The following EXOC5 variants were observed in gnomAD, a reference collection of about 807,000 sequenced individuals.
EXOC5 encodes the protein exocyst complex component 5.
A neutral mutation model predicts 90.8 loss-of-function variants in EXOC5; 17 were observed. The ratio of observed to expected loss-of-function variants is 0.19; its 90% CI spans 0.13 to 0.28. The LOEUF is 0.28. Ranked by LOEUF, EXOC5 falls within the 10% of genes least tolerant of loss-of-function variation. EXOC5 has a pLI of 1.00. For synonymous variants in EXOC5, 260 were observed against 270.0 expected, an observed-to-expected ratio of 0.96 and a Z score of 0.36; for missense variants, 569 against 830.6, an observed-to-expected ratio of 0.69 and a Z score of 3.87.
At chr14:57,232,226 G>A (rs1044655779) in intron 10 of EXOC5, 3 of 154,094 alleles carry the variant, frequency 1.9e-5, no homozygotes, top group Non-Finnish European at 4.3e-5. Flanking sequence ...CTGAAGAAGA[G>A]TAATAGGGTT....
intron 15 of EXOC5, among the ~76,000 whole-genome samples, chr14:57,211,484 C>T (rs1204462169): frequency 6.6e-6 from 1 of 152,148 alleles, no homozygotes; most frequent in Non-Finnish European, 1.5e-5. Context: ...AGAGGTTGTG[C>T]CAGGCATGCA....
At chr14:57,222,794 C>CACAT (rs555083513) in intron 12 of EXOC5, among the ~76,000 whole-genome samples, 1 of 151,234 alleles carries the variant, frequency 6.6e-6, no homozygotes, top group Non-Finnish European at 1.5e-5. Flanking sequence ...TACACACACA[C>CACAT]ACATACACAC....
chr14:57,244,260 T>C lies in EXOC5; in HGVS notation c.370A>G (p.Arg124Gly), dbSNP rs770915924. Residue 124 changes from arginine to glycine, a missense_variant, in exon 4 of 18, where the codon AGA becomes GGA. Physicochemically the swap from Arg to Gly is moderately radical, Grantham distance 125 (BLOSUM62 -2). This residue lies in a region of EXOC5 where 97 missense variants were observed against 177.9 expected (regional missense o/e 0.55). Coordinates refer to ENST00000621441, the MANE Select transcript of EXOC5 (RefSeq NM_006544.4). ...TTCTGAGCCTCCACTGCCCGTTGTC[T>C]GGGTGTGTTTACCCCCTCTAACTGG... ...GDQLEGVNTP[R>G]QRAVEAQKLM... The C allele has an allele frequency of 1.2e-6, 2 of 1,613,612 alleles. No homozygotes were observed. Among genetic ancestry groups the C allele is most frequent in the Admixed American group, 1.7e-5 (1 of 60,022 alleles).
intron 5 of EXOC5, 87 bp downstream of exon 5, chr14:57,239,508 G>A: frequency 1.3e-6 from 1 of 789,364 alleles, no homozygotes; most frequent in Non-Finnish European, 2.0e-6. Flanking sequence ...TTAATTAATG[G>A]GCAAAGAAAA....
chr14:57,209,695 T>A lies in EXOC5; in HGVS notation c.1810A>T (p.Met604Leu). The change falls in exon 17 of 18, where the codon ATG becomes TTG. Residue 604 changes from methionine (M) to leucine (L), a missense_variant. Coordinates refer to ENST00000621441, the MANE Select transcript of EXOC5 (RefSeq NM_006544.4). ...CGATGAAAACGTACTCCAAGTTCCATCAAAACTGTATCCACATTCTTCCCA... is the reference window on the plus strand; with the variant it reads ...CGATGAAAACGTACTCCAAGTTCCAACAAAACTGTATCCACATTCTTCCCA... ...MDGKNVDTVL[M>L]ELGVRFHRLI... The A allele has an allele frequency of 6.2e-7, 1 of 1,612,950 alleles. No individual in the cohort carries two copies. The highest frequency in any genetic ancestry group is 8.5e-7 in the Non-Finnish European group (1 of 1,179,250).
Position 57,201,441 on chromosome 14 carries a change from C to CGT in EXOC5, c.*7166_*7167dup, listed in dbSNP as rs922524212. 7.2e-6 allele frequency: 1 copy of CGT among 138,582 alleles called. No homozygotes were observed. The highest frequency in any genetic ancestry group is 1.6e-5 in the Non-Finnish European group (1 of 63,882). 8.6% of individuals were successfully genotyped at this position (138,582 alleles called of 1,614,324 possible). Reference sequence around the variant, plus strand: ...TAGTATATATATATACACACACACACGTGTGTATATATACACACGCGTGTA... The same window carrying CGT: ...TAGTATATATATATACACACACACACGTGTGTGTATATATACACACGCGTGTA... On this transcript the variant is annotated 3_prime_UTR_variant, in exon 18 of 18. Coordinates refer to ENST00000621441, the MANE Select transcript of EXOC5 (RefSeq NM_006544.4).
intron 1 of EXOC5, among the ~76,000 whole-genome samples, chr14:57,253,277 C>A (rs545095295): frequency 2.6e-5 from 4 of 152,206 alleles, no homozygotes; most frequent in African/African-American, 9.6e-5. Flanking sequence ...AAAACAATTC[C>A]ATTTACAACA....
chr14:57,230,845 C>T (rs1327132287), intron 11 of EXOC5, among the ~76,000 whole-genome samples: 1 of 151,254 alleles, frequency 6.6e-6, no homozygotes, highest in Non-Finnish European at 1.5e-5. Context: ...ATTTTTTTCA[C>T]ACCTGCAACA....
intron 7 of EXOC5, among the ~76,000 whole-genome samples, chr14:57,234,899 G>A (rs1010429440): frequency 2.0e-5 from 3 of 152,022 alleles, no homozygotes; most frequent in Non-Finnish European, 4.4e-5. Flanking sequence ...CAAGAATCTG[G>A]ACAGTTGTAT....
intron 15 of EXOC5, among the ~76,000 whole-genome samples, chr14:57,215,001 G>A (rs1046196198): frequency 3.3e-5 from 5 of 152,060 alleles, no homozygotes; most frequent in African/African-American, 7.2e-5. Context: ...AGGCTGAGGC[G>A]GGTGGACTGC....
In EXOC5 at chr14:57,215,185, TCGTGC is replaced by T. The variant is rs544253893; in HGVS notation, c.1613+2792_1613+2796del. Among the ~76,000 whole-genome samples the T allele has an allele frequency of 1.2e-3, 188 of 151,618 alleles. 1 individual carries two copies. Among genetic ancestry groups the T allele is most frequent in the African/African-American group, 4.4e-3 (182 of 41,246 alleles). ...AGGTGGAGGTTGCAGTGAGCCAAGA[TCGTGC>T]CACTGGACTCCAGCCTGGGCAACAG... On this transcript the variant is annotated intron_variant, in intron 15 of 17. Transcript: ENST00000621441.
chr14:57,226,366 C>T (rs1566728859), intron 12 of EXOC5, among the ~76,000 whole-genome samples: 1 of 152,068 alleles, frequency 6.6e-6, no homozygotes, highest in African/African-American at 2.4e-5. Context: ...TTTCTATAGA[C>T]TAAGTAAGTT....
At chr14:57,237,911 G>C (rs1400230479) in intron 5 of EXOC5, among the ~76,000 whole-genome samples, 2 of 152,074 alleles carry the variant, frequency 1.3e-5, no homozygotes, top group Non-Finnish European at 2.9e-5. Context: ...GCCTAGCAGA[G>C]TAGCCATTCA....
At chr14:57,217,644 T>G (rs1436025062) in intron 15 of EXOC5, among the ~76,000 whole-genome samples, 1 of 152,136 alleles carries the variant, frequency 6.6e-6, no homozygotes, top group East Asian at 1.9e-4. Flanking sequence ...TGAAACACAG[T>G]AACATTGCAA....
At chr14:57,222,816 C>T (rs562381436) in intron 12 of EXOC5, among the ~76,000 whole-genome samples, 31 of 151,032 alleles carry the variant, frequency 2.1e-4, no homozygotes, top group African/African-American at 7.3e-4. Flanking sequence ...CACATACATA[C>T]ATACACAGGG....
Position 57,268,733 on chromosome 14 carries a change from C to T in EXOC5, c.-85G>A. On this transcript the variant is annotated 5_prime_UTR_variant, in exon 1 of 18. Coordinates refer to ENST00000621441, the MANE Select transcript of EXOC5 (RefSeq NM_006544.4). Reference sequence around the variant, plus strand: ...CTCAGAGGCGCGGCGCACAGGTCTCCGCTCGGCTCGCCAGCTCCGGCTCCG... The same window carrying T: ...CTCAGAGGCGCGGCGCACAGGTCTCTGCTCGGCTCGCCAGCTCCGGCTCCG... The T allele has an allele frequency of 6.6e-7, 1 of 1,504,340 alleles. No individual in the cohort carries two copies. The highest frequency in any genetic ancestry group is 8.8e-7 in the Non-Finnish European group (1 of 1,131,040). 93.2% of individuals were successfully genotyped at this position (1,504,340 alleles called of 1,614,324 possible).
Position 57,208,447 on chromosome 14 carries a change from C to A in EXOC5, c.*162G>T. ...GTGGTATCCAAACTTTAAATAAAAC[C>A]TCAAAGGTAAGTATGGCTGCTGTTT... On this transcript the variant is annotated 3_prime_UTR_variant, in exon 18 of 18. Transcript: ENST00000621441. 8 of 475,636 alleles carry A rather than the reference C, an allele frequency of 1.7e-5. No homozygotes were observed. Among genetic ancestry groups the A allele is most frequent in the South Asian group, 6.9e-5 (1 of 14,550 alleles). 29.5% of individuals were successfully genotyped at this position (475,636 alleles called of 1,614,324 possible). A position where few individuals can be genotyped will look rare whatever the true frequency, so the allele number is the denominator to read the frequency against.
intron 15 of EXOC5, among the ~76,000 whole-genome samples, chr14:57,214,083 A>T (rs1882903808): frequency 6.6e-6 from 1 of 152,174 alleles, no homozygotes; most frequent in African/African-American, 2.4e-5. Context: ...TATACCACAG[A>T]GCACAGAATA....
At chr14:57,216,128 T>C (rs578241568) in intron 15 of EXOC5, among the ~76,000 whole-genome samples, 10 of 152,126 alleles carry the variant, frequency 6.6e-5, no homozygotes, top group Middle Eastern at 3.4e-3. Flanking sequence ...ACTTATACAC[T>C]GAAAACCATA....
Sources: gnomAD v4.1 joint callset for allele counts (sites outside exome capture counted in the v4.1 genomes callset) on GRCh38, gnomAD v4.1.1 for gene constraint, gnomAD v4.1.1 regional missense constraint, MANE v1.5 for transcripts, NCBI Gene and HGNC (gene_info 2026-07-23, HGNC 2026-07-21) for gene names.